RNF212B: variants seen among roughly 807,000 people sequenced by gnomAD.
The protein encoded by RNF212B is E3 ubiquitin-protein ligase RNF212B.
Under a neutral mutation model 55.5 loss-of-function variants are expected in RNF212B, and 52 were observed. The observed-to-expected ratio is 0.94, with a 90% CI of 0.75 to 1.18. The LOEUF is 1.18. RNF212B is among the 50% of genes most tolerant of loss of function. The pLI is 0.00. For synonymous variants in RNF212B, 99 were observed against 121.4 expected, an observed-to-expected ratio of 0.82 and a Z score of 1.21; for missense variants, 289 against 350.4, an observed-to-expected ratio of 0.82 and a Z score of 1.40.
chr14:23,221,841 G>A (rs769561775), intron 2 of RNF212B, among the ~76,000 whole-genome samples: 3 of 152,116 alleles, frequency 2.0e-5, no homozygotes, highest in African/African-American at 4.8e-5. Flanking sequence ...AGGAATTTTG[G>A]AAAGTATATG....
chr14:23,192,230 T>A (rs1190822397), intron 1 of RNF212B, among the ~76,000 whole-genome samples: 1 of 152,148 alleles, frequency 6.6e-6, no homozygotes, highest in Non-Finnish European at 1.5e-5. Flanking sequence ...TAAAGACACA[T>A]GCACATGTAT....
chr14:23,192,961 A>G (rs569881224), intron 1 of RNF212B, among the ~76,000 whole-genome samples: 2 of 151,914 alleles, frequency 1.3e-5, no homozygotes, highest in East Asian at 1.9e-4. Context: ...GCATGGTGGC[A>G]CATGCCTGTA....
intron 4 of RNF212B, among the ~76,000 whole-genome samples, chr14:23,249,953 C>A (rs1034311326): frequency 3.9e-5 from 6 of 152,180 alleles, no homozygotes; most frequent in African/African-American, 1.2e-4. Context: ...GGCTTCCTAT[C>A]ACTTAAGTTT....
intron 12 of RNF212B, among the ~76,000 whole-genome samples, chr14:23,269,514 T>C (rs945469503): frequency 2.6e-5 from 4 of 152,152 alleles, no homozygotes; most frequent in Non-Finnish European, 4.4e-5. Context: ...GGAGGATTGC[T>C]TAAGCCCAGG....
At chr14:23,226,503 C>T (rs929413003) in intron 2 of RNF212B, among the ~76,000 whole-genome samples, 1 of 150,192 alleles carries the variant, frequency 6.7e-6, no homozygotes, top group Non-Finnish European at 1.5e-5. Flanking sequence ...TGGCGGCGTG[C>T]GCCTGTAGTC....
At position 23,228,213 on chromosome 14, in the gene RNF212B, C is replaced by T. The variant is rs112232473; in HGVS notation, c.-1-12132C>T. On this transcript the variant is annotated intron_variant, in intron 2 of 15. Transcript: ENST00000399910. Reference sequence around the variant, plus strand: ...TGCCATCACACTCCAGCCTGGGTGACGAGAGCGAAACTCTGTCTAAAAAAA... The same window carrying T: ...TGCCATCACACTCCAGCCTGGGTGATGAGAGCGAAACTCTGTCTAAAAAAA... 1.0e-3 allele frequency among the ~76,000 whole-genome samples: 151 copies of T among 151,356 alleles called. 1 individual carries two copies. Among genetic ancestry groups the T allele is most frequent in the East Asian group, 1.8e-3 (9 of 5,108 alleles).
At chr14:23,261,958 A>G (rs1240944128) in intron 7 of RNF212B, among the ~76,000 whole-genome samples, 1 of 141,654 alleles carries the variant, frequency 7.1e-6, no homozygotes, top group Non-Finnish European at 1.6e-5. Context: ...ACAGAGTGGG[A>G]CTCTGTCTCA....
At chr14:23,202,111 C>T (rs908300414) in intron 2 of RNF212B, among the ~76,000 whole-genome samples, 1 of 151,846 alleles carries the variant, frequency 6.6e-6, no homozygotes, top group Non-Finnish European at 1.5e-5. Context: ...ATTAGCCAAG[C>T]GTGGTGGTGT....
At chr14:23,221,841 G>C (rs769561775) in intron 2 of RNF212B, among the ~76,000 whole-genome samples, 6 of 152,116 alleles carry the variant, frequency 3.9e-5, no homozygotes, top group Non-Finnish European at 8.8e-5. Context: ...AGGAATTTTG[G>C]AAAGTATATG....
intron 4 of RNF212B, among the ~76,000 whole-genome samples, chr14:23,250,237 T>G (rs559698022): frequency 3.9e-4 from 59 of 152,252 alleles, no homozygotes; most frequent in Admixed American, 2.1e-3. Context: ...CCCAGCACTT[T>G]TGGAGGCTGA....
In RNF212B at chr14:23,272,916, C is replaced by T. The variant is rs2140497015; in HGVS notation, c.*25C>T. 7.2e-7 allele frequency: 1 copy of T among 1,391,140 alleles called. No homozygotes were observed. Among genetic ancestry groups the T allele is most frequent in the South Asian group, 1.3e-5 (1 of 76,124 alleles). 86.2% of individuals were successfully genotyped at this position (1,391,140 alleles called of 1,614,324 possible). A position where few individuals can be genotyped will look rare whatever the true frequency, so the allele number is the denominator to read the frequency against. ...GATCATCTTCAAGATCTGATCTATA[C>T]ATGCTGCTGAAGGATGGACTGTAGC... On this transcript the variant is annotated 3_prime_UTR_variant, in exon 15 of 15. Coordinates refer to ENST00000430154, the MANE Select transcript of RNF212B (RefSeq NM_001282322.3).
chr14:23,215,715 A>G (rs1880994586), intron 2 of RNF212B, among the ~76,000 whole-genome samples: 1 of 152,220 alleles, frequency 6.6e-6, no homozygotes, highest in Non-Finnish European at 1.5e-5. Context: ...TGTACCCTAA[A>G]AGAATGGCTA....
intron 2 of RNF212B, among the ~76,000 whole-genome samples, chr14:23,241,542 G>A (rs373235696): frequency 9.5e-4 from 144 of 152,068 alleles, no homozygotes; most frequent in African/African-American, 3.3e-3. Flanking sequence ...TCATGTCTCA[G>A]CCACTTGAGT....
chr14:23,261,705 T>C (rs1223323107), intron 7 of RNF212B, among the ~76,000 whole-genome samples: 3 of 152,212 alleles, frequency 2.0e-5, no homozygotes, highest in African/African-American at 7.2e-5. Flanking sequence ...CTCACACCCG[T>C]AATCACAGCA....
chr14:23,196,447 AC>A (rs1878710073), intron 2 of RNF212B, among the ~76,000 whole-genome samples: 1 of 151,994 alleles, frequency 6.6e-6, no homozygotes, highest in Non-Finnish European at 1.5e-5. Flanking sequence ...AAAAACAAAA[AC>A]AAAAACATAG....
upstream of RNF212B, among the ~76,000 whole-genome samples, chr14:23,236,675 A>C (rs997323238): frequency 6.6e-5 from 10 of 152,140 alleles, no homozygotes; most frequent in Non-Finnish European, 1.3e-4. Context: ...AATTTGGTAA[A>C]TATTGGTAGA....
intron 4 of RNF212B, among the ~76,000 whole-genome samples, chr14:23,250,296 T>C (rs1317108962): frequency 6.6e-6 from 1 of 151,928 alleles, no homozygotes; most frequent in Non-Finnish European, 1.5e-5. Context: ...CTGGCCAATA[T>C]GGTAAAACCC....
chr14:23,259,979 T>C (rs2144038), intron 6 of RNF212B, 35 bp downstream of exon 6: 227,332 of 1,126,440 alleles, frequency 0.2, 24,384 homozygotes, highest in African/African-American at 0.32. Context: ...TATTATTTTC[T>C]CTCTTACTTT....
At chr14:23,254,732 A>C (rs1204090002) in intron 4 of RNF212B, among the ~76,000 whole-genome samples, 2 of 152,102 alleles carry the variant, frequency 1.3e-5, no homozygotes, top group Non-Finnish European at 2.9e-5. Context: ...GTTTACAATA[A>C]CCCACATTGG....
Sources: allele counts gnomAD v4.1 joint callset (sites outside exome capture counted in the v4.1 genomes callset), GRCh38; gene constraint gnomAD v4.1.1; transcripts MANE v1.5; gene names NCBI Gene and HGNC (gene_info 2026-07-23, HGNC 2026-07-21).